TSEN2: variants seen among roughly 807,000 people sequenced by gnomAD.
The protein encoded by TSEN2 is tRNA-splicing endonuclease subunit Sen2.
A neutral mutation model predicts 59.2 loss-of-function variants in TSEN2; 54 were observed. The observed-to-expected ratio is 0.91, with a 90% CI of 0.73 to 1.14. The LOEUF is 1.14. TSEN2 is among the 50% of genes most tolerant of loss of function. TSEN2 has a pLI of 0.00. For missense variants in TSEN2, 636 were observed against 576.2 expected (o/e 1.10, Z -1.06); for synonymous variants, 195 against 198.2 (o/e 0.98, Z 0.14).
At chr3:12,527,740 C>G (rs1448387806) in intron 8 of TSEN2, among the ~76,000 whole-genome samples, 1 of 152,162 alleles carries the variant, frequency 6.6e-6, no homozygotes, top group African/African-American at 2.4e-5. Context: ...CCAATCAACT[C>G]CAAAAGATGC....
At chr3:12,485,722 A>G (rs1004486665) in intron 1 of TSEN2, among the ~76,000 whole-genome samples, 2 of 152,106 alleles carry the variant, frequency 1.3e-5, no homozygotes, top group Non-Finnish European at 2.9e-5. Flanking sequence ...GCATTTTTCA[A>G]TCATCATTCT....
chr3:12,523,526 C>CTTTTT lies in TSEN2; in HGVS notation c.1099+4350_1099+4354dup, dbSNP rs546904336. Among the ~76,000 whole-genome samples, 27 of 46,480 alleles carry CTTTTT rather than the reference C, an allele frequency of 5.8e-4. 1 individual carries two copies. The highest frequency in any genetic ancestry group is 1.1e-3 in the African/African-American group (14 of 12,668). The allele number at this position is 46,480 out of a possible 152,430, so 30.5% of individuals were successfully genotyped here. ...CTTCTCCTCATCTTCCTCTTTGATT[C>CTTTTT]TTTTTTTTTTTTTTTTTTTTTTTTT... On this transcript the variant is annotated intron_variant, in intron 8 of 11. Coordinates refer to ENST00000284995, the MANE Select transcript of TSEN2 (RefSeq NM_025265.4).
At chr3:12,512,706 C>T (rs578031646) in intron 6 of TSEN2, among the ~76,000 whole-genome samples, 2 of 152,374 alleles carry the variant, frequency 1.3e-5, no homozygotes, top group East Asian at 3.9e-4. Context: ...CAACATCTTC[C>T]TTACCTCTGC....
chr3:12,510,743 G>T (rs925969517), intron 6 of TSEN2, among the ~76,000 whole-genome samples: 5 of 152,174 alleles, frequency 3.3e-5, no homozygotes, highest in South Asian at 2.1e-4. Context: ...GAATTTTGTG[G>T]TTATTTTTTT....
At chr3:12,498,443 A>G (rs138311743) in intron 4 of TSEN2, among the ~76,000 whole-genome samples, 1 of 151,912 alleles carries the variant, frequency 6.6e-6, no homozygotes, top group Non-Finnish European at 1.5e-5. Context: ...ACCTTAGTTG[A>G]TTTTTTCCTT....
chr3:12,495,283 G>A (rs546846124), intron 3 of TSEN2, among the ~76,000 whole-genome samples: 2 of 152,280 alleles, frequency 1.3e-5, no homozygotes, highest in East Asian at 3.9e-4. Flanking sequence ...GGCCTGGAGT[G>A]CAGTGGTGCA....
chr3:12,529,485 ATTAG>A (rs1045435883), intron 9 of TSEN2, among the ~76,000 whole-genome samples: 5 of 151,210 alleles, frequency 3.3e-5, no homozygotes, highest in Non-Finnish European at 7.4e-5. Flanking sequence ...AAAAAAAAAA[ATTAG>A]TTAGTATTAG....
chr3:12,498,082 T>G (rs889759507), intron 4 of TSEN2, among the ~76,000 whole-genome samples: 1 of 151,668 alleles, frequency 6.6e-6, no homozygotes, highest in Non-Finnish European at 1.5e-5. Context: ...TTTTTTTTTT[T>G]GCATTAAAAA....
chr3:12,527,368 T>A (rs903653856), intron 8 of TSEN2, among the ~76,000 whole-genome samples: 1 of 152,286 alleles, frequency 6.6e-6, no homozygotes, highest in East Asian at 1.9e-4. Context: ...ACATGATTAG[T>A]TACAGGATTG....
chr3:12,512,784 C>T (rs2055618198), intron 6 of TSEN2, among the ~76,000 whole-genome samples: 2 of 152,206 alleles, frequency 1.3e-5, no homozygotes, highest in Non-Finnish European at 2.9e-5. Flanking sequence ...AATGTTCAGT[C>T]TGTGCGAGTA....
In TSEN2 at chr3:12,531,363, A is replaced by C. The variant is rs2057447803; in HGVS notation, c.1249-207A>C. 6.9e-6 allele frequency: 4 copies of C among 578,374 alleles called. No individual in the cohort carries two copies. The South Asian group carries it at 8.1e-5, about 12-fold the overall frequency. 35.8% of individuals were successfully genotyped at this position (578,374 alleles called of 1,614,324 possible). ...AATGTATCTGCTTATATCTGTTGCC[A>C]TGTTCAGTGATTACTAAACGGCAGG... On this transcript the variant is annotated intron_variant, in intron 10 of 11. Coordinates refer to ENST00000284995, the MANE Select transcript of TSEN2 (RefSeq NM_025265.4).
In TSEN2 at chr3:12,492,249, CAAATT is replaced by C. The variant is rs758704169; in HGVS notation, c.271+35_271+39del. On this transcript the variant is annotated intron_variant, in intron 3 of 11. Transcript: ENST00000284995. The stretch of plus-strand genomic sequence containing the variant: ...TTGTTGTATCATTCAGTTCTTTTGA[CAAATT>C]AATCATTTTCCTTTGTTTTTGATCT... 92 of 1,552,648 alleles carry C rather than the reference CAAATT, an allele frequency of 5.9e-5. 4 individuals are homozygous for C. Among genetic ancestry groups the C allele is most frequent in the Admixed American group, 2.5e-4 (15 of 59,844 alleles).
chr3:12,536,838 C>T (rs2057682791), downstream of TSEN2, among the ~76,000 whole-genome samples: 1 of 151,864 alleles, frequency 6.6e-6, no homozygotes, highest in Admixed American at 6.6e-5. Flanking sequence ...CCCGTCTCTA[C>T]TAAAAATACA....
In TSEN2 at chr3:12,503,654, TTCA is replaced by T. The variant is rs770578452; in HGVS notation, c.706_708del (p.His236del). 3.2e-5 allele frequency: 51 copies of T among 1,604,652 alleles called. No homozygotes were observed. In the Admixed American group the frequency reaches 8.6e-4, roughly 27 times the overall value. On this transcript the variant is annotated inframe_deletion, in exon 5 of 12. Coordinates refer to ENST00000284995, the MANE Select transcript of TSEN2 (RefSeq NM_025265.4). ...GATGCTCTCATCCTCCAGCGTGGCC[TTCA>T]TCATGAAGACGGCAGCCAGCACATC... is the stretch of plus-strand genomic sequence containing the variant.
chr3:12,513,548 T>A (rs1340207606), intron 6 of TSEN2, among the ~76,000 whole-genome samples: 1 of 152,222 alleles, frequency 6.6e-6, no homozygotes, highest in African/African-American at 2.4e-5. Context: ...ATTGTATAGA[T>A]GAGGCATGGA....
chr3:12,514,835 G>C (rs905171552), intron 6 of TSEN2: 1 of 152,106 alleles, frequency 6.6e-6, no homozygotes, highest in African/African-American at 2.4e-5. Context: ...CCCATACCTT[G>C]ACATAAATAC....
At chr3:12,518,321 C>A (rs192955286) in intron 7 of TSEN2, among the ~76,000 whole-genome samples, 2 of 152,314 alleles carry the variant, frequency 1.3e-5, no homozygotes, top group Admixed American at 1.3e-4. Context: ...TGAACATGAG[C>A]TGACATAGAG....
At chr3:12,515,767 G>A (rs1304365426) in intron 6 of TSEN2, among the ~76,000 whole-genome samples, 1 of 152,116 alleles carries the variant, frequency 6.6e-6, no homozygotes, top group East Asian at 1.9e-4. Context: ...ATTATGTGAG[G>A]TCAGTGCAAA....
intron 7 of TSEN2, among the ~76,000 whole-genome samples, chr3:12,517,230 C>T (rs967387030): frequency 4.0e-5 from 6 of 151,748 alleles, no homozygotes; most frequent in African/African-American, 1.2e-4. Context: ...TGTTGGCATG[C>T]GCCTGTAGTT....
Sources: gnomAD v4.1 joint callset for allele counts (sites outside exome capture counted in the v4.1 genomes callset) on GRCh38, gnomAD v4.1.1 for gene constraint, MANE v1.5 for transcripts, NCBI Gene and HGNC (gene_info 2026-07-23, HGNC 2026-07-21) for gene names.